ASIC4: variants seen among roughly 807,000 people sequenced by gnomAD.
ASIC4 encodes the protein acid sensing ion channel subunit family member 4.
A neutral mutation model predicts 53.4 loss-of-function variants in ASIC4; 28 were observed. The observed-to-expected ratio is 0.52, with a 90% confidence interval of 0.39 to 0.72. The LOEUF (loss-of-function observed/expected upper bound fraction) is 0.72. Among genes scored for constraint, ASIC4 ranks in the 30% least tolerant of loss-of-function variants. The pLI, the probability that ASIC4 is intolerant of heterozygous loss-of-function variation, is 0.00. For synonymous variants in ASIC4, 289 were observed against 301.4 expected, an observed-to-expected ratio of 0.96 and a Z score of 0.43; for missense variants, 649 against 729.7, an observed-to-expected ratio of 0.89 and a Z score of 1.27.
chr2:219,512,097 C>G (rs1489056062), upstream of ASIC4, among the ~76,000 whole-genome samples: 6 of 151,768 alleles, frequency 4.0e-5, no homozygotes, highest in Admixed American at 3.9e-4. Flanking sequence ...TTGGAGACAG[C>G]TGGCTGTGGG....
chr2:219,526,054 C>G (rs1281775300), intron 1 of ASIC4, among the ~76,000 whole-genome samples: 1 of 152,110 alleles, frequency 6.6e-6, no homozygotes, highest in Non-Finnish European at 1.5e-5. Context: ...GGGCCCTCCC[C>G]CTGCCACAGC....
At chr2:219,508,822 G>A in the ASIC4 span, among the ~76,000 whole-genome samples, 1 of 146,748 alleles carries the variant, frequency 6.8e-6, no homozygotes, top group African/African-American at 2.5e-5. Flanking sequence ...ATGAGCGGGG[G>A]AGGGATGCGG....
the ASIC4 span, among the ~76,000 whole-genome samples, chr2:219,507,344 C>G: frequency 6.6e-6 from 1 of 152,234 alleles, no homozygotes; most frequent in Non-Finnish European, 1.5e-5. Flanking sequence ...GGCCTAGAGG[C>G]TGATCCCCAC....
In ASIC4 at chr2:219,518,936, CGTT is replaced by C. The variant is rs1268308917; in HGVS notation, c.582+3635_582+3637del. On this transcript the variant is annotated intron_variant, in intron 1 of 9. Coordinates refer to ENST00000358078, the MANE Select transcript of ASIC4 (RefSeq NM_018674.6). This position sits in a 1 kb window ranked among gnomAD's most constrained non-coding sequence, Gnocchi z 4.8. Reference sequence around the variant, plus strand: ...TGTTTGTTTTTTTGAGACAGAGTCTCGTTGTTGCCCAGGCTGGAGTGCAGCGGC... The same window carrying C: ...TGTTTGTTTTTTTGAGACAGAGTCTCGTTGCCCAGGCTGGAGTGCAGCGGC... Among the ~76,000 whole-genome samples, 1 of 152,160 alleles carries C rather than the reference CGTT, an allele frequency of 6.6e-6. No individual in the cohort carries two copies. The highest frequency in any genetic ancestry group is 1.5e-5 in the Non-Finnish European group (1 of 68,024).
Position 219,514,835 on chromosome 2 carries a change from A to G in ASIC4, c.111A>G (p.Ala37=). Reference sequence around the variant, plus strand: ...TCCTCGGGGCTGTTGCCCCTGGAGCAGCCCCCCGAGACCTGGCCACCTTTG... The same window carrying G: ...TCCTCGGGGCTGTTGCCCCTGGAGCGGCCCCCCGAGACCTGGCCACCTTTG... ...QSLLGAVAPG[A]APRDLATFAS... Residue 37 remains alanine (A), a synonymous_variant, in exon 1 of 10, where the codon GCA becomes GCG. Coordinates refer to ENST00000358078, the MANE Select transcript of ASIC4 (RefSeq NM_018674.6). 6.2e-7 allele frequency: 1 copy of G among 1,613,156 alleles called. No individual in the cohort carries two copies.
chr2:219,526,318 A>C (rs1694960809), intron 1 of ASIC4, among the ~76,000 whole-genome samples: 1 of 151,800 alleles, frequency 6.6e-6, no homozygotes, highest in Admixed American at 6.6e-5. Context: ...GGGCACCTGG[A>C]GAGGGGTTCC....
intron 1 of ASIC4, among the ~76,000 whole-genome samples, chr2:219,524,377 G>T (rs1485858937): frequency 6.6e-6 from 1 of 152,226 alleles, no homozygotes; most frequent in African/African-American, 2.4e-5. Context: ...GGACTCCAGG[G>T]CCAGACTGCC....
In ASIC4 at chr2:219,535,340, TG is replaced by T; in HGVS notation, c.1229+17del. On this transcript the variant is annotated intron_variant, in intron 6 of 9. Coordinates refer to ENST00000358078, the MANE Select transcript of ASIC4 (RefSeq NM_018674.6). ...CCTACATACGGTATGTGTGTGTGTG[TG>T]TGGGGGGTGGCTGTGTGACTCTGTG... 1.7e-6 allele frequency: 2 copies of T among 1,201,452 alleles called. No individual in the cohort carries two copies. Among genetic ancestry groups the T allele is most frequent in the Non-Finnish European group, 1.1e-6 (1 of 878,280 alleles). The allele number at this position is 1,201,452 out of a possible 1,614,324, so 74.4% of individuals were successfully genotyped here. A position where few individuals can be genotyped will look rare whatever the true frequency, so the allele number is the denominator to read the frequency against.
rs767248198 is a variant in ASIC4, at chr2:219,514,707, C to G, written c.-18C>G. ...ACAGGGCAGGGAGGCTCTGGCCAGTCCCAGCAGCCGGGGACAGATGCCGAT... is the reference window on the plus strand; with the variant it reads ...ACAGGGCAGGGAGGCTCTGGCCAGTGCCAGCAGCCGGGGACAGATGCCGAT... On this transcript the variant is annotated 5_prime_UTR_variant, in exon 1 of 10. Transcript: ENST00000358078. 6 of 1,613,620 alleles carry G rather than the reference C, an allele frequency of 3.7e-6. No individual in the cohort carries two copies. Among genetic ancestry groups the G allele is most frequent in the Non-Finnish European group, 5.1e-6 (6 of 1,179,978 alleles).
chr2:219,515,105 A>G lies in ASIC4; in HGVS notation c.381A>G (p.Ala127=), dbSNP rs36089490. 5.6e-3 allele frequency: 9,068 copies of G among 1,613,988 alleles called. 426 individuals carry two copies. The African/African-American group carries it at 0.1, about 18-fold the overall frequency. The part of the protein sequence containing the change: ...LCNINRFRHS[A]LSDADIFHLA... Reference sequence around the variant, plus strand: ...ATATCAACCGCTTCCGGCATTCGGCACTCAGCGATGCCGACATCTTCCACC... The same window carrying G: ...ATATCAACCGCTTCCGGCATTCGGCGCTCAGCGATGCCGACATCTTCCACC... Residue 127 remains alanine (A), a synonymous_variant, in exon 1 of 10, where the codon GCA becomes GCG. Coordinates refer to ENST00000358078, the MANE Select transcript of ASIC4 (RefSeq NM_018674.6).
Position 219,537,350 on chromosome 2 carries a change from AG to A in ASIC4, c.1401+30del. 1 of 1,601,602 alleles carries A rather than the reference AG, an allele frequency of 6.2e-7. No homozygotes were observed. The highest frequency in any genetic ancestry group is 1.7e-5 in the Admixed American group (1 of 58,056). The stretch of plus-strand genomic sequence containing the variant: ...AGGGCCCTGGAGAAGGCAGGGTGGG[AG>A]TGGGGGCCGTGGGCAAAGCAGAAGG... On this transcript the variant is annotated intron_variant, in intron 8 of 9. Coordinates refer to ENST00000358078, the MANE Select transcript of ASIC4 (RefSeq NM_018674.6). This position sits in a 1 kb window ranked among gnomAD's most constrained non-coding sequence, Gnocchi z 4.9.
In ASIC4 at chr2:219,537,486, A is replaced by G; in HGVS notation, c.1402-146A>G. 1.9e-6 allele frequency: 2 copies of G among 1,053,938 alleles called. No individual in the cohort carries two copies. The highest frequency in any genetic ancestry group is 2.8e-6 in the Non-Finnish European group (2 of 717,492). The allele number at this position is 1,053,938 out of a possible 1,614,324, so 65.3% of individuals were successfully genotyped here. A position where few individuals can be genotyped will look rare whatever the true frequency, so the allele number is the denominator to read the frequency against. Reference sequence around the variant, plus strand: ...AGGCCTGAGGGCTCAGAGTCAGGAGAAGGGGATGGGTGAGGAGGAGGAGGG... The same window carrying G: ...AGGCCTGAGGGCTCAGAGTCAGGAGGAGGGGATGGGTGAGGAGGAGGAGGG... On this transcript the variant is annotated intron_variant, in intron 8 of 9. Coordinates refer to ENST00000358078, the MANE Select transcript of ASIC4 (RefSeq NM_018674.6). The surrounding 1 kb of genome is among the most constrained non-coding windows in gnomAD (Gnocchi z 4.9).
chr2:219,537,194 G>A lies in ASIC4; in HGVS notation c.1321+37G>A, dbSNP rs938156716. 6 of 1,612,226 alleles carry A rather than the reference G, an allele frequency of 3.7e-6. No individual in the cohort carries two copies. Among genetic ancestry groups the A allele is most frequent in the Non-Finnish European group, 4.2e-6 (5 of 1,178,606 alleles). On this transcript the variant is annotated intron_variant, in intron 7 of 9. Coordinates refer to ENST00000358078, the MANE Select transcript of ASIC4 (RefSeq NM_018674.6). This position sits in a 1 kb window ranked among gnomAD's most constrained non-coding sequence, Gnocchi z 4.9. ...GTCCCTGCCCCCAGCTTGTGTGGGG[G>A]TGGATCGGCCCGGCCGCTCCCTCTG...
At position 219,531,680 on chromosome 2, in the gene ASIC4, A is replaced by G. The variant is rs561335928; in HGVS notation, c.583-78A>G. ...TGTCCAAGCAGATCTGGTGGCCCTC[A>G]GCAGGGAGCAGGGAACTTCGGAGTT... On this transcript the variant is annotated intron_variant, in intron 1 of 9. Coordinates refer to ENST00000358078, the MANE Select transcript of ASIC4 (RefSeq NM_018674.6). 2.6e-5 allele frequency: 39 copies of G among 1,492,208 alleles called. 1 individual carries two copies. The highest frequency in any genetic ancestry group is 2.1e-4 in the South Asian group (16 of 74,702). 92.4% of individuals were successfully genotyped at this position (1,492,208 alleles called of 1,614,324 possible).
rs761108415 is a variant in ASIC4 at position 219,531,768 on chromosome 2, G to A, written c.593G>A (p.Arg198His). Reference protein sequence around the residue: ...SASNFSVVYTRYGKCYTFNAD... With the variant: ...SASNFSVVYTHYGKCYTFNAD... ...CACCCCACCTCCCAGGTCTATACTC[G>A]CTATGGGAAGTGTTACACCTTCAAC... The change falls in exon 2 of 10, where the codon CGC (arginine) becomes CAC (histidine). Residue 198 changes from arginine to histidine, a missense_variant. By Grantham distance (29) the Arg-to-His change is conservative. Coordinates refer to ENST00000358078, the MANE Select transcript of ASIC4 (RefSeq NM_018674.6). The A allele has an allele frequency of 2.5e-6, 4 of 1,599,874 alleles. No individual in the cohort carries two copies. Among genetic ancestry groups the A allele is most frequent in the East Asian group, 2.2e-5 (1 of 44,738 alleles).
At chr2:219,512,117 G>T (rs1344725742), upstream of ASIC4, among the ~76,000 whole-genome samples, 1 of 152,118 alleles carries the variant, frequency 6.6e-6, no homozygotes, top group Non-Finnish European at 1.5e-5. Flanking sequence ...GGCAGTGGTG[G>T]GGGTGTGCAT....
chr2:219,529,627 T>C (rs892972699), intron 1 of ASIC4, among the ~76,000 whole-genome samples: 2 of 152,106 alleles, frequency 1.3e-5, no homozygotes, highest in Admixed American at 1.3e-4. Context: ...GCCTCGCCCC[T>C]CGATGAGGTG....
chr2:219,512,213 G>A (rs1025672783), upstream of ASIC4, among the ~76,000 whole-genome samples: 5 of 152,134 alleles, frequency 3.3e-5, no homozygotes, highest in East Asian at 1.9e-4. Flanking sequence ...GTTACCACCC[G>A]ATTTCTTTCC....
intron 1 of ASIC4, among the ~76,000 whole-genome samples, chr2:219,527,058 T>C (rs1355188265): frequency 6.6e-6 from 1 of 152,214 alleles, no homozygotes. Flanking sequence ...CTGCCCCCTC[T>C]TCCTGGGCCA....
Sources: gnomAD v4.1 joint callset for allele counts (sites outside exome capture counted in the v4.1 genomes callset) on GRCh38, gnomAD v4.1.1 for gene constraint, Gnocchi (gnomAD v3.1) non-coding constraint, MANE v1.5 for transcripts, NCBI Gene and HGNC (gene_info 2026-07-23, HGNC 2026-07-21) for gene names.